Variants in IKZF2 observed in about 807,000 individuals in gnomAD.
The protein encoded by IKZF2 is zinc finger protein Helios.
Under a neutral mutation model 49.2 loss-of-function variants are expected in IKZF2, and 15 were observed. The ratio of observed to expected loss-of-function variants is 0.30; its 90% CI spans 0.20 to 0.47. The LOEUF (loss-of-function observed/expected upper bound fraction) is 0.47, where lower values mean the gene tolerates loss of function less well. Ranked by LOEUF, IKZF2 falls within the 20% of genes least tolerant of loss-of-function variation. The pLI, the probability that IKZF2 is intolerant of heterozygous loss-of-function variation, is 1.00. For synonymous variants in IKZF2, 227 were observed against 221.4 expected, an observed-to-expected ratio of 1.03 and a Z score of -0.23; for missense variants, 567 against 664.6, an observed-to-expected ratio of 0.85 and a Z score of 1.61.
At chr2:213,115,287 T>C (rs1291050758) in intron 4 of IKZF2, among the ~76,000 whole-genome samples, 1 of 152,068 alleles carries the variant, frequency 6.6e-6, no homozygotes, top group African/African-American at 2.4e-5. Context: ...TAATTTGAGG[T>C]ATGAGGAAGG....
At chr2:213,118,947 T>G (rs2125820077) in intron 4 of IKZF2, among the ~76,000 whole-genome samples, 1 of 152,316 alleles carries the variant, frequency 6.6e-6, no homozygotes, top group Non-Finnish European at 1.5e-5. Context: ...ATTAAAGCAT[T>G]TATGCCACTA....
intron 3 of IKZF2, 25 bp from the exon 4 acceptor site, chr2:213,147,837 T>C: frequency 6.4e-7 from 1 of 1,551,516 alleles, no homozygotes; most frequent in Non-Finnish European, 8.9e-7. Context: ...TATAATCTTT[T>C]GGTTTCTATT....
At position 213,003,288 on chromosome 2, in the gene IKZF2, T is replaced by C. The variant is rs1226606216; in HGVS notation, c.*4072A>G. 2 of 152,086 alleles carry C rather than the reference T, an allele frequency of 1.3e-5. No individual in the cohort carries two copies. Among genetic ancestry groups the C allele is most frequent in the Non-Finnish European group, 3.0e-5 (2 of 67,672 alleles). 9.4% of individuals were successfully genotyped at this position (152,086 alleles called of 1,614,324 possible). On this transcript the variant is annotated 3_prime_UTR_variant, in exon 9 of 9. Coordinates refer to ENST00000434687, the MANE Select transcript of IKZF2 (RefSeq NM_001387220.1). ...TATATTTTAATTATTTTGCAGAAACTGGAGAATTAAAAATATGTCTAAGAT... is the reference window on the plus strand; with the variant it reads ...TATATTTTAATTATTTTGCAGAAACCGGAGAATTAAAAATATGTCTAAGAT...
chr2:213,137,123 TG>T (rs1226807773), intron 4 of IKZF2, among the ~76,000 whole-genome samples: 1 of 152,124 alleles, frequency 6.6e-6, no homozygotes, highest in Admixed American at 6.5e-5. Context: ...TGTTTCTTTT[TG>T]TTTTTATTTC....
chr2:213,019,728 A>G (rs12694291), intron 7 of IKZF2, among the ~76,000 whole-genome samples: 115,920 of 151,984 alleles, frequency 0.76, 45,501 homozygotes, highest in Non-Finnish European at 0.86. Flanking sequence ...CAGTGCCCCT[A>G]CCCCTTTCCC....
At chr2:213,118,102 T>C (rs1196779343) in intron 4 of IKZF2, among the ~76,000 whole-genome samples, 1 of 152,212 alleles carries the variant, frequency 6.6e-6, no homozygotes, top group African/African-American at 2.4e-5. Context: ...GTTACATTAA[T>C]GACTTTTTAC....
At chr2:213,045,219 C>A (rs1700041232) in intron 6 of IKZF2, among the ~76,000 whole-genome samples, 1 of 152,168 alleles carries the variant, frequency 6.6e-6, no homozygotes, top group Admixed American at 6.5e-5. Flanking sequence ...CACTATACAC[C>A]CATTTAAACT....
chr2:213,045,211 C>T (rs1559201222), intron 6 of IKZF2, among the ~76,000 whole-genome samples: 2 of 152,180 alleles, frequency 1.3e-5, no homozygotes, highest in South Asian at 2.1e-4. Context: ...ATAATTCACA[C>T]TATACACCCA....
At position 213,024,374 on chromosome 2, in the gene IKZF2, G is replaced by T. The variant is rs538810519; in HGVS notation, c.575-2244C>A. 1.1e-4 allele frequency among the ~76,000 whole-genome samples: 16 copies of T among 152,238 alleles called. No individual in the cohort carries two copies. The East Asian group carries it at 3.1e-3, about 29-fold the overall frequency. The stretch of plus-strand genomic sequence containing the variant: ...GTACCAATGCTCATGAGGCTAAAAT[G>T]TAAAGTGGAAAACAAATTCCCATGG... On this transcript the variant is annotated intron_variant, in intron 6 of 8. Transcript: ENST00000434687.
intron 8 of IKZF2, 127 bp from the exon 9 acceptor site, chr2:213,008,211 A>T: frequency 8.8e-7 from 1 of 1,134,544 alleles, no homozygotes. Flanking sequence ...TTTGGTATAT[A>T]TTACTCTATA....
At chr2:213,126,867 G>T (rs189752044) in intron 4 of IKZF2, among the ~76,000 whole-genome samples, 233 of 152,310 alleles carry the variant, frequency 1.5e-3, no homozygotes, top group African/African-American at 5.4e-3. Flanking sequence ...AGAATGGAAT[G>T]ATTATTGATT....
chr2:213,059,906 T>C (rs563810835), intron 4 of IKZF2, among the ~76,000 whole-genome samples: 1 of 151,344 alleles, frequency 6.6e-6, no homozygotes, highest in Non-Finnish European at 1.5e-5. Context: ...AGACAAGAAA[T>C]AGTAAAGCCG....
At chr2:213,136,207 T>C (rs1574969790) in intron 4 of IKZF2, among the ~76,000 whole-genome samples, 2 of 146,646 alleles carry the variant, frequency 1.4e-5, no homozygotes, top group South Asian at 4.3e-4. Flanking sequence ...CTGTCTACAC[T>C]AAAAAATAAA....
chr2:213,129,390 T>C (rs536097750), intron 4 of IKZF2, among the ~76,000 whole-genome samples: 1 of 149,640 alleles, frequency 6.7e-6, no homozygotes, highest in African/African-American at 2.5e-5. Flanking sequence ...AGAAGGAGGC[T>C]TTCATGCAAA....
chr2:213,145,789 C>T (rs547206627), intron 4 of IKZF2, among the ~76,000 whole-genome samples: 69 of 152,178 alleles, frequency 4.5e-4, no homozygotes, highest in African/African-American at 1.5e-3. Context: ...CCTGAAAACA[C>T]GTGCATCTTA....
intron 4 of IKZF2, among the ~76,000 whole-genome samples, chr2:213,062,118 A>T (rs1467827731): frequency 6.6e-6 from 1 of 151,616 alleles, no homozygotes; most frequent in Admixed American, 6.6e-5. Context: ...TCAAATTAAG[A>T]TAATAAATTC....
chr2:213,073,810 C>T (rs887070011), intron 4 of IKZF2, among the ~76,000 whole-genome samples: 5 of 152,152 alleles, frequency 3.3e-5, no homozygotes, highest in African/African-American at 1.2e-4. Context: ...CTCTAAATAA[C>T]CTAAATTTTA....
At chr2:213,012,541 A>T (rs1464341618) in intron 8 of IKZF2, among the ~76,000 whole-genome samples, 2 of 152,000 alleles carry the variant, frequency 1.3e-5, no homozygotes, top group African/African-American at 4.8e-5. Context: ...AACAGAAAAA[A>T]AGTTACCAAA....
Position 213,148,640 on chromosome 2 carries a change from C to G in IKZF2, c.-11G>C. On this transcript the variant is annotated 5_prime_UTR_variant, in exon 3 of 9. Transcript: ENST00000434687. ...AGCCTCTGTTTCCATAGTCAAAGTG[C>G]AATGCTGCAAAACAAAAGATTATAC... 1 of 1,610,142 alleles carries G rather than the reference C, an allele frequency of 6.2e-7. No individual in the cohort carries two copies. The highest frequency in any genetic ancestry group is 8.5e-7 in the Non-Finnish European group (1 of 1,176,544).
Sources: gnomAD v4.1 joint callset for allele counts (sites outside exome capture counted in the v4.1 genomes callset) on GRCh38, gnomAD v4.1.1 for gene constraint, MANE v1.5 for transcripts, NCBI Gene and HGNC (gene_info 2026-07-23, HGNC 2026-07-21) for gene names.